TENM1: variants seen among roughly 807,000 people sequenced by gnomAD.
TENM1 encodes the protein teneurin-1.
A neutral mutation model predicts 174.8 loss-of-function variants in TENM1; 35 were observed. The observed-to-expected ratio is 0.20, with a 90% CI of 0.15 to 0.27. The LOEUF (loss-of-function observed/expected upper bound fraction) is 0.27, where lower values mean the gene tolerates loss of function less well. Ranked by LOEUF, TENM1 falls within the 10% of genes least tolerant of loss-of-function variation. The probability of loss-of-function intolerance (pLI) is 1.00; values close to 1 mark genes in which losing one functional copy is unlikely to be tolerated. For missense variants in TENM1, 1,633 were observed against 2,130.1 expected (o/e 0.77, Z 4.59); for synonymous variants, 781 against 798.7 (o/e 0.98, Z 0.37).
intron 20 of TENM1, among the ~76,000 whole-genome samples, chrX:124,488,829 T>A (rs2047005644): frequency 8.9e-6 from 1 of 112,253 alleles, no homozygotes; most frequent in South Asian, 3.7e-4. Flanking sequence ...TACAGAACCA[T>A]TTGTGTGGCT....
At chrX:124,917,044 A>G (rs1486523223) in intron 1 of TENM1, among the ~76,000 whole-genome samples, 1 of 111,862 alleles carries the variant, frequency 8.9e-6, no homozygotes, top group East Asian at 2.8e-4. Flanking sequence ...AGCTAGTCCA[A>G]TCCAGGTTCA....
chrX:124,443,043 T>C (rs1483483319), intron 23 of TENM1, among the ~76,000 whole-genome samples: 2 of 60,306 alleles, frequency 3.3e-5, no homozygotes, highest in Non-Finnish European at 6.8e-5. Context: ...CCTGGATGAC[T>C]ATGTGTGTGT....
intron 1 of TENM1, among the ~76,000 whole-genome samples, chrX:124,916,947 T>C (rs914790496): frequency 2.7e-5 from 3 of 111,614 alleles, no homozygotes; most frequent in African/African-American, 9.8e-5. Flanking sequence ...TGGTATTCTT[T>C]TGGAGCAGCA....
At chrX:125,046,855 TGC>T in the TENM1 span, among the ~76,000 whole-genome samples, 8 of 88,984 alleles carry the variant, frequency 9.0e-5, no homozygotes, top group Admixed American at 6.6e-4. Context: ...TGTGTGTGCA[TGC>T]GTGTGTGTGT....
At chrX:125,024,943 C>T in the TENM1 span, among the ~76,000 whole-genome samples, 329 of 7,474 alleles carry the variant, frequency 0.044, no homozygotes, top group South Asian at 0.11. Context: ...CCGCCAATTT[C>T]CAATCAATTC....
At chrX:124,737,308 T>C in intron 3 of TENM1, 111 bp from the exon 7 acceptor site, 2 of 883,877 alleles carry the variant, frequency 2.3e-6, no homozygotes, top group Non-Finnish European at 3.0e-6. Flanking sequence ...ACCTGTGGGG[T>C]GAGGGAGGTT....
chrX:125,118,403 G>A, the TENM1 span, among the ~76,000 whole-genome samples: 1 of 111,554 alleles, frequency 9.0e-6, no homozygotes, highest in Non-Finnish European at 1.9e-5. Context: ...GCACTTAGCT[G>A]TTAAAGAAAA....
At chrX:124,876,170 C>T (rs1452695429) in intron 3 of TENM1, among the ~76,000 whole-genome samples, 2 of 110,828 alleles carry the variant, frequency 1.8e-5, no homozygotes, top group Admixed American at 9.7e-5. Context: ...AGTTATGGAG[C>T]GGTTATGAAT....
At chrX:124,713,732 A>T (rs2053116295) in intron 4 of TENM1, among the ~76,000 whole-genome samples, 1 of 112,133 alleles carries the variant, frequency 8.9e-6, no homozygotes, top group South Asian at 3.7e-4. Flanking sequence ...GAGGTATTCG[A>T]TGAATACATA....
intron 14 of TENM1, among the ~76,000 whole-genome samples, chrX:124,560,597 G>T (rs2048796861): frequency 9.1e-6 from 1 of 110,413 alleles, no homozygotes; most frequent in Admixed American, 9.7e-5. Flanking sequence ...ATTTTGATAA[G>T]GTCTTAAAAC....
At chrX:125,108,720 T>TTATATATATATATACACACACACACGTG in the TENM1 span, among the ~76,000 whole-genome samples, 1 of 97,024 alleles carries the variant, frequency 1.0e-5, no homozygotes, top group Non-Finnish European at 2.0e-5. Context: ...TTAAAAATGA[T>TTATATATATATATACACACACACACGTG]TATATATATA....
intron 10 of TENM1, among the ~76,000 whole-genome samples, chrX:124,644,188 T>C (rs1316779706): frequency 9.9e-6 from 1 of 101,268 alleles, no homozygotes; most frequent in Non-Finnish European, 2.0e-5. Context: ...TATATAGACA[T>C]ATATATATAA....
At chrX:125,023,949 T>C in the TENM1 span, among the ~76,000 whole-genome samples, 18 of 112,226 alleles carry the variant, frequency 1.6e-4, no homozygotes, top group African/African-American at 5.2e-4. Flanking sequence ...CAAAAGAAGA[T>C]GTATATGTGG....
intron 3 of TENM1, among the ~76,000 whole-genome samples, chrX:124,757,209 C>T (rs1168642642): frequency 7.1e-5 from 8 of 112,639 alleles, no homozygotes; most frequent in South Asian, 3.7e-4. Context: ...AGGCGCCCCT[C>T]CCCCAGCCTC....
intron 3 of TENM1, among the ~76,000 whole-genome samples, chrX:124,766,293 A>G (rs1453471664): frequency 1.8e-5 from 2 of 111,911 alleles, no homozygotes; most frequent in African/African-American, 3.2e-5. Flanking sequence ...ATTTATAACA[A>G]TGTTTTCCAA....
intron 3 of TENM1, among the ~76,000 whole-genome samples, chrX:124,742,707 C>T (rs1252676869): frequency 1.8e-5 from 2 of 109,909 alleles, no homozygotes; most frequent in Admixed American, 9.8e-5. Flanking sequence ...AAAAGTGGAC[C>T]CCAAAGGTTT....
At chrX:125,146,392 G>T in the TENM1 span, among the ~76,000 whole-genome samples, 401 of 111,286 alleles carry the variant, frequency 3.6e-3, 1 homozygote, top group Non-Finnish European at 5.8e-3. Context: ...ATACAATTTG[G>T]TCATTTCCTC....
At chrX:124,706,020 C>T (rs755514603) in intron 4 of TENM1, among the ~76,000 whole-genome samples, 4 of 111,659 alleles carry the variant, frequency 3.6e-5, no homozygotes, top group Non-Finnish European at 5.6e-5. Flanking sequence ...ATTCTTCTAC[C>T]TCAGCCTCCT....
chrX:124,541,869 C>T (rs1444443110), intron 15 of TENM1, among the ~76,000 whole-genome samples: 1 of 112,285 alleles, frequency 8.9e-6, no homozygotes, highest in African/African-American at 3.2e-5. Context: ...CTGTGTATGA[C>T]ACAAGTGACA....
Sources: gnomAD v4.1 joint callset for allele counts (sites outside exome capture counted in the v4.1 genomes callset) on GRCh38, gnomAD v4.1.1 for gene constraint, MANE v1.5 for transcripts, NCBI Gene and HGNC (gene_info 2026-07-23, HGNC 2026-07-21) for gene names.